BTNL3: variants seen among roughly 807,000 people sequenced by gnomAD.
BTNL3 encodes butyrophilin like 3, also known as butyrophilin-like protein 3.
In BTNL3, 20 loss-of-function variants were observed where a neutral mutation model predicts 40.1. The observed-to-expected ratio is 0.50, with a 90% confidence interval of 0.35 to 0.72. The LOEUF (loss-of-function observed/expected upper bound fraction) is 0.72. Among genes scored for constraint, BTNL3 ranks in the 30% least tolerant of loss-of-function variants. The pLI is 0.01. For synonymous variants in BTNL3, 179 were observed against 222.1 expected, an observed-to-expected ratio of 0.81 and a Z score of 1.73; for missense variants, 449 against 582.2, an observed-to-expected ratio of 0.77 and a Z score of 2.35.
intron 3 of BTNL3, among the ~76,000 whole-genome samples, chr5:181,001,264 A>C (rs751282657): frequency 2.2e-5 from 3 of 136,820 alleles, no homozygotes; most frequent in Non-Finnish European, 5.0e-5. Flanking sequence ...ATTGCTGTAC[A>C]GATTCAATAC....
chr5:181,002,850 C>T lies in BTNL3; in HGVS notation c.787+65C>T. The T allele has an allele frequency of 1.4e-6, 2 of 1,410,218 alleles. 1 individual carries two copies. 87.4% of individuals were successfully genotyped at this position (1,410,218 alleles called of 1,614,324 possible). On this transcript the variant is annotated intron_variant, in intron 4 of 7. Transcript: ENST00000342868. ...TGGTTCCAGTGGAGCTGATATCAGGCTGCCCTCACACACCTCTGGGCTCTG... is the reference window on the plus strand; with the variant it reads ...TGGTTCCAGTGGAGCTGATATCAGGTTGCCCTCACACACCTCTGGGCTCTG...
Position 181,002,064 on chromosome 5 carries a change from G to T in BTNL3, c.674-608G>T, listed in dbSNP as rs1215700230. On this transcript the variant is annotated intron_variant, in intron 3 of 7. Transcript: ENST00000342868. ...AATAGCCAAGAATTGCTAAGATACA[G>T]TGGAATAAGAGCAAGCTAAGAAGCT... Among the ~76,000 whole-genome samples the T allele has an allele frequency of 5.9e-5, 8 of 134,674 alleles. 3 individuals are homozygous for T. The highest frequency in any genetic ancestry group is 1.4e-4 in the Non-Finnish European group (8 of 59,252). 88.4% of individuals were successfully genotyped at this position (134,674 alleles called of 152,430 possible). A position where few individuals can be genotyped will look rare whatever the true frequency, so the allele number is the denominator to read the frequency against.
Position 181,002,710 on chromosome 5 carries a change from A to C in BTNL3, c.712A>C (p.Ile238Leu). ...GCCCTCACCTTGGCGCCTGGCTTCT[A>C]TTTTACTCGGGTTACTCTGTGGTGC... ...FQPSPWRLAS[I>L]LLGLLCGALC... The change falls in exon 4 of 8, where the codon ATT becomes CTT. Residue 238 changes from isoleucine (I) to leucine (L), a missense_variant. Coordinates refer to ENST00000342868, the MANE Select transcript of BTNL3 (RefSeq NM_197975.3). 1 of 1,455,450 alleles carries C rather than the reference A, an allele frequency of 6.9e-7. No homozygotes were observed. Among genetic ancestry groups the C allele is most frequent in the Non-Finnish European group, 9.5e-7 (1 of 1,055,308 alleles). 90.2% of individuals were successfully genotyped at this position (1,455,450 alleles called of 1,614,324 possible).
At position 181,002,300 on chromosome 5, in the gene BTNL3, C is replaced by T. The variant is rs571035884; in HGVS notation, c.674-372C>T. ...CAAACATTGCCAGCACAGTCAACACCTGCTTAGAAGAAGATGACATTGAAC... is the reference window on the plus strand; with the variant it reads ...CAAACATTGCCAGCACAGTCAACACTTGCTTAGAAGAAGATGACATTGAAC... On this transcript the variant is annotated intron_variant, in intron 3 of 7. Coordinates refer to ENST00000342868, the MANE Select transcript of BTNL3 (RefSeq NM_197975.3). Among the ~76,000 whole-genome samples, 41 of 122,932 alleles carry T rather than the reference C, an allele frequency of 3.3e-4. 2 individuals carry two copies. Among genetic ancestry groups the T allele is most frequent in the African/African-American group, 1.0e-3 (38 of 36,652 alleles). The allele number at this position is 122,932 out of a possible 152,430, so 80.6% of individuals were successfully genotyped here. A position where few individuals can be genotyped will look rare whatever the true frequency, so the allele number is the denominator to read the frequency against.
chr5:180,993,047 G>A lies in BTNL3; in HGVS notation c.284G>A (p.Gly95Glu). ...TTTGTGAAGGACTCCATTGCAGGGG[G>A]GCGTGTCTCTCTAAGGCTAAAAAAC... ...TEFVKDSIAG[G>E]RVSLRLKNIT... Residue 95 changes from glycine (G) to glutamate (E), a missense_variant, in exon 2 of 8, where the codon GGG becomes GAG. Gly to Glu is a moderately conservative substitution (Grantham distance 98, BLOSUM62 -2). Coordinates refer to ENST00000342868, the MANE Select transcript of BTNL3 (RefSeq NM_197975.3). The A allele has an allele frequency of 6.9e-7, 1 of 1,457,026 alleles. No homozygotes were observed. Among genetic ancestry groups the A allele is most frequent in the South Asian group, 1.1e-5 (1 of 88,682 alleles). 90.3% of individuals were successfully genotyped at this position (1,457,026 alleles called of 1,614,324 possible). A position where few individuals can be genotyped will look rare whatever the true frequency, so the allele number is the denominator to read the frequency against.
Position 180,997,443 on chromosome 5 carries a change from C to T in BTNL3, c.628C>T (p.Leu210Phe). ...TGGGAGCATATTGTGTTCCATCCACCTTGCTGAGCAGAGTCATGAGGTGGA... is the reference window on the plus strand; with the variant it reads ...TGGGAGCATATTGTGTTCCATCCACTTTGCTGAGCAGAGTCATGAGGTGGA... ...NAGSILCSIH[L>F]AEQSHEVESK... Residue 210 changes from leucine (L) to phenylalanine (F), a missense_variant, in exon 3 of 8, where the codon CTT becomes TTT. This residue lies in a region of BTNL3 where 323 missense variants were observed against 464.9 expected (regional missense o/e 0.69). Coordinates refer to ENST00000342868, the MANE Select transcript of BTNL3 (RefSeq NM_197975.3). 3 of 1,463,408 alleles carry T rather than the reference C, an allele frequency of 2.1e-6. No homozygotes were observed. The highest frequency in any genetic ancestry group is 2.8e-6 in the Non-Finnish European group (3 of 1,058,968). The allele number at this position is 1,463,408 out of a possible 1,614,324, so 90.7% of individuals were successfully genotyped here.
chr5:181,002,900 G>C lies in BTNL3; in HGVS notation c.787+115G>C. The C allele has an allele frequency of 2.4e-6, 3 of 1,234,156 alleles. 1 individual carries two copies. In the South Asian group the frequency reaches 3.7e-5, roughly 15 times the overall value. 76.5% of individuals were successfully genotyped at this position (1,234,156 alleles called of 1,614,324 possible). On this transcript the variant is annotated intron_variant, in intron 4 of 7. Transcript: ENST00000342868. ...GCTCTTCCAGCCCTAGGCCTACAGGGGCCACCAGCTGAGGCACAGGGAACC... is the reference window on the plus strand; with the variant it reads ...GCTCTTCCAGCCCTAGGCCTACAGGCGCCACCAGCTGAGGCACAGGGAACC...
Position 180,997,252 on chromosome 5 carries a change from T to A in BTNL3, c.437T>A (p.Val146Asp). 1 of 1,464,718 alleles carries A rather than the reference T, an allele frequency of 6.8e-7. No homozygotes were observed. The highest frequency in any genetic ancestry group is 9.4e-7 in the Non-Finnish European group (1 of 1,059,510). 90.7% of individuals were successfully genotyped at this position (1,464,718 alleles called of 1,614,324 possible). A position where few individuals can be genotyped will look rare whatever the true frequency, so the allele number is the denominator to read the frequency against. Reference protein sequence around the residue: ...SLPLISIVGYVDGGIQLLCLS... With the variant: ...SLPLISIVGYDDGGIQLLCLS... Reference sequence around the variant, plus strand: ...CCTCTCATTTCCATCGTGGGATATGTTGACGGAGGTATCCAGTTACTCTGC... The same window carrying A: ...CCTCTCATTTCCATCGTGGGATATGATGACGGAGGTATCCAGTTACTCTGC... Residue 146 changes from valine to aspartate, a missense_variant, in exon 3 of 8, where the codon GTT becomes GAT. By Grantham distance (152) the Val-to-Asp change is radical. Coordinates refer to ENST00000342868, the MANE Select transcript of BTNL3 (RefSeq NM_197975.3).
At position 181,004,780 on chromosome 5, in the gene BTNL3, G is replaced by A; in HGVS notation, c.862+18G>A. On this transcript the variant is annotated intron_variant, in intron 7 of 7. Coordinates refer to ENST00000342868, the MANE Select transcript of BTNL3 (RefSeq NM_197975.3). ...ACACGCAGGTACCAACGCCTGAGAG[G>A]GTAACAGTGGGCATGGAGTAGGAAG... 1.2e-6 allele frequency: 2 copies of A among 1,614,160 alleles called. No homozygotes were observed. Among genetic ancestry groups the A allele is most frequent in the South Asian group, 1.1e-5 (1 of 91,084 alleles).
rs145632920 is a variant in BTNL3, at chr5:180,997,089, T to TGAGA, written c.398-109_398-106dup. 7 of 1,109,430 alleles carry TGAGA rather than the reference T, an allele frequency of 6.3e-6. 1 individual carries two copies. The highest frequency in any genetic ancestry group is 8.9e-6 in the Non-Finnish European group (7 of 787,610). 68.7% of individuals were successfully genotyped at this position (1,109,430 alleles called of 1,614,324 possible). A position where few individuals can be genotyped will look rare whatever the true frequency, so the allele number is the denominator to read the frequency against. ...ACAGAGAGAAAAGGATGTGTGTGTG[T>TGAGA]GAGAGAGAGAGAGAGAGAAAAGGAT... On this transcript the variant is annotated intron_variant, in intron 2 of 7. Transcript: ENST00000342868.
At chr5:180,990,015 C>T (rs1759947581) in intron 1 of BTNL3, among the ~76,000 whole-genome samples, 1 of 135,734 alleles carries the variant, frequency 7.4e-6, no homozygotes, top group African/African-American at 2.5e-5. Flanking sequence ...CAAAAATTAG[C>T]CGGGCATGGT....
In BTNL3 at chr5:181,003,027, T is replaced by C. The variant is rs1037741185; in HGVS notation, c.787+242T>C. ...TTACATGGAGCACAGGATAAGCAGA[T>C]AATTGATTTTCAGTACATAAAGAGT... On this transcript the variant is annotated intron_variant, in intron 4 of 7. Coordinates refer to ENST00000342868, the MANE Select transcript of BTNL3 (RefSeq NM_197975.3). Among the ~76,000 whole-genome samples the C allele has an allele frequency of 7.4e-5, 10 of 135,260 alleles. 1 individual carries two copies. The highest frequency in any genetic ancestry group is 2.5e-4 in the African/African-American group (10 of 39,392). 88.7% of individuals were successfully genotyped at this position (135,260 alleles called of 152,430 possible).
intron 6 of BTNL3, 39 bp from the exon 7 acceptor site, chr5:181,004,697 G>T: frequency 5.0e-6 from 8 of 1,614,064 alleles, no homozygotes; most frequent in Non-Finnish European, 6.8e-6. Context: ...TGTTTCCCAC[G>T]TGAGCACGGA....
chr5:181,003,140 G>C (rs1760153491), intron 4 of BTNL3, among the ~76,000 whole-genome samples: 1 of 135,914 alleles, frequency 7.4e-6, no homozygotes, highest in Non-Finnish European at 1.7e-5. Context: ...AGGATCACTT[G>C]AGCCCAGGAG....
Position 181,006,002 on chromosome 5 carries a change from C to T in BTNL3, c.*130C>T, listed in dbSNP as rs1427634716. ...ACAGAGAGTCACGCCCCCCACTCTC[C>T]TTTAGGGAGCTGAGGTTCTTCTGCC... On this transcript the variant is annotated 3_prime_UTR_variant, in exon 8 of 8. Coordinates refer to ENST00000342868, the MANE Select transcript of BTNL3 (RefSeq NM_197975.3). 41 of 1,045,862 alleles carry T rather than the reference C, an allele frequency of 3.9e-5. No homozygotes were observed. The highest frequency in any genetic ancestry group is 5.0e-5 in the Non-Finnish European group (37 of 740,398). 64.8% of individuals were successfully genotyped at this position (1,045,862 alleles called of 1,614,324 possible).
intron 2 of BTNL3, among the ~76,000 whole-genome samples, chr5:180,995,452 C>T (rs6859910): frequency 0.19 from 25,922 of 135,584 alleles, 6,339 homozygotes; most frequent in African/African-American, 0.3. Context: ...GACTCAGGTC[C>T]TAGTCTATTT....
At chr5:180,994,277 A>C (rs1200345905) in intron 2 of BTNL3, among the ~76,000 whole-genome samples, 1 of 137,010 alleles carries the variant, frequency 7.3e-6, no homozygotes, top group South Asian at 2.2e-4. Context: ...GCTAGTGACA[A>C]ATTCTCTTAG....
rs752417389 is a variant in BTNL3, at chr5:181,006,656, CAG to C, written c.*787_*788del. On this transcript the variant is annotated 3_prime_UTR_variant, in exon 8 of 8. Coordinates refer to ENST00000342868, the MANE Select transcript of BTNL3 (RefSeq NM_197975.3). ...CTCAGTGTGGTTTGTCCCACAAATG[CAG>C]AGTTGGTTTAATATTTAAATATCAA... 6.6e-6 allele frequency: 1 copy of C among 152,092 alleles called. No individual in the cohort carries two copies. The highest frequency in any genetic ancestry group is 1.5e-5 in the Non-Finnish European group (1 of 68,034). The allele number at this position is 152,092 out of a possible 1,614,324, so 9.4% of individuals were successfully genotyped here.
chr5:181,004,025 G>C, intron 5 of BTNL3, 149 bp downstream of exon 5: 1 of 1,521,888 alleles, frequency 6.6e-7, no homozygotes, highest in Non-Finnish European at 9.1e-7. Flanking sequence ...TCCATCCACT[G>C]CTCATGAGTT....
Sources: allele counts gnomAD v4.1 joint callset (sites outside exome capture counted in the v4.1 genomes callset), GRCh38; gene constraint gnomAD v4.1.1; regional missense constraint gnomAD v4.1.1; transcripts MANE v1.5; gene names NCBI Gene and HGNC (gene_info 2026-07-23, HGNC 2026-07-21).